The following ALG9 variants were observed in gnomAD, a reference collection of about 807,000 sequenced individuals.
ALG9 encodes alpha-1,2-mannosyltransferase ALG9.
A neutral mutation model predicts 81.8 loss-of-function variants in ALG9; 55 were observed. The ratio of observed to expected loss-of-function variants is 0.67; its 90% CI spans 0.54 to 0.84. ALG9 has a LOEUF of 0.84. Among genes scored for constraint, ALG9 ranks in the 40% least tolerant of loss-of-function variants. The probability of loss-of-function intolerance (pLI) is 0.00; values close to 1 mark genes in which losing one functional copy is unlikely to be tolerated. For missense variants in ALG9, 629 were observed against 745.0 expected, an observed-to-expected ratio of 0.84 and a Z score of 1.81; for synonymous variants, 278 against 274.3, an observed-to-expected ratio of 1.01 and a Z score of -0.13.
At chr11:111,852,615 A>C (rs988578689) in intron 8 of ALG9, among the ~76,000 whole-genome samples, 1 of 152,196 alleles carries the variant, frequency 6.6e-6, no homozygotes, top group Non-Finnish European at 1.5e-5. Context: ...TGGAAGAGAA[A>C]AAGTAACATC....
intron 13 of ALG9, among the ~76,000 whole-genome samples, chr11:111,822,093 G>A (rs1555104377): frequency 2.0e-5 from 3 of 152,130 alleles, no homozygotes; most frequent in African/African-American, 7.2e-5. Flanking sequence ...CAAAATGACA[G>A]CAATAGAAAA....
intron 14 of ALG9, among the ~76,000 whole-genome samples, chr11:111,791,134 C>T (rs1421569574): frequency 6.6e-6 from 1 of 152,074 alleles, no homozygotes; most frequent in African/African-American, 2.4e-5. Context: ...TTTTCAAAAA[C>T]AAAAAGCAAT....
At chr11:111,812,170 A>G (rs531535964) in intron 13 of ALG9, among the ~76,000 whole-genome samples, 2 of 152,366 alleles carry the variant, frequency 1.3e-5, no homozygotes, top group African/African-American at 4.8e-5. Flanking sequence ...TAAATTAAAT[A>G]TAATGTCAAT....
intron 6 of ALG9, among the ~76,000 whole-genome samples, chr11:111,857,221 C>T (rs1258655528): frequency 1.3e-5 from 2 of 152,280 alleles, no homozygotes; most frequent in African/African-American, 4.8e-5. Context: ...GTGGAGAAAA[C>T]ATCAGCTATA....
chr11:111,823,293 A>G (rs1952727575), intron 13 of ALG9, among the ~76,000 whole-genome samples: 1 of 152,174 alleles, frequency 6.6e-6, no homozygotes, highest in Admixed American at 6.5e-5. Flanking sequence ...AGAGAAAGCA[A>G]TTTCCTCACA....
intron 14 of ALG9, among the ~76,000 whole-genome samples, chr11:111,803,538 GAC>G (rs1949465177): frequency 6.7e-6 from 1 of 148,388 alleles, no homozygotes; most frequent in East Asian, 2.0e-4. Context: ...TTGGGGGATT[GAC>G]ACTACCAAAC....
At chr11:111,821,478 A>G (rs1462091223) in intron 13 of ALG9, among the ~76,000 whole-genome samples, 1 of 152,102 alleles carries the variant, frequency 6.6e-6, no homozygotes, top group Admixed American at 6.6e-5. Context: ...TCTTTTCCCA[A>G]TGACTCCGCC....
intron 13 of ALG9, among the ~76,000 whole-genome samples, chr11:111,813,049 C>CG (rs61177245): frequency 1 from 152,232 of 152,256 alleles, 76,104 homozygotes; most frequent in Middle Eastern, 1. Flanking sequence ...CTCAAAGAAG[C>CG]GACTGTCTTT....
intron 4 of ALG9, among the ~76,000 whole-genome samples, chr11:111,861,535 GGTCATA>G (rs1555147979): frequency 6.6e-6 from 1 of 152,126 alleles, no homozygotes; most frequent in African/African-American, 2.4e-5. Context: ...GCAGTGGCAT[GGTCATA>G]GCTCACTGTA....
intron 13 of ALG9, among the ~76,000 whole-genome samples, chr11:111,822,358 G>A (rs1278770395): frequency 7.4e-6 from 1 of 134,324 alleles, no homozygotes; most frequent in African/African-American, 2.8e-5. Flanking sequence ...GCAGTGAGCT[G>A]TGTTCGCACC....
chr11:111,801,723 C>A (rs1555080557), intron 14 of ALG9, among the ~76,000 whole-genome samples: 1 of 152,190 alleles, frequency 6.6e-6, no homozygotes. Context: ...CCAAATGATT[C>A]TTTCCTTCTC....
the ALG9 span, among the ~76,000 whole-genome samples, chr11:111,776,813 G>A: frequency 2.0e-5 from 3 of 152,122 alleles, no homozygotes; most frequent in Non-Finnish European, 4.4e-5. Context: ...CTTTCAAAAT[G>A]CAAATTCTAC....
chr11:111,865,570 T>C (rs1313023546), intron 3 of ALG9, among the ~76,000 whole-genome samples: 1 of 152,254 alleles, frequency 6.6e-6, no homozygotes, highest in Non-Finnish European at 1.5e-5. Context: ...ATCTAGCTCA[T>C]GGACAATTAT....
At chr11:111,822,310 G>C (rs147899511) in intron 13 of ALG9, among the ~76,000 whole-genome samples, 396 of 150,512 alleles carry the variant, frequency 2.6e-3, no homozygotes, top group African/African-American at 9.0e-3. Context: ...TCGAGAGGCT[G>C]AGGCAGGAGG....
chr11:111,827,019 T>C (rs962920931), intron 13 of ALG9, among the ~76,000 whole-genome samples: 1 of 152,230 alleles, frequency 6.6e-6, no homozygotes, highest in Non-Finnish European at 1.5e-5. Flanking sequence ...GATTGTTCTC[T>C]TTTAAAAGCA....
rs1555122947 is a variant in ALG9, at chr11:111,840,736, CTGGA to C, written c.1088_1091del (p.Ile363SerfsTer52). On this transcript the variant is annotated frameshift_variant, in exon 10 of 15. Coordinates refer to ENST00000616540, the MANE Select transcript of ALG9 (RefSeq NM_024740.2). LOFTEE classifies it high-confidence loss of function. The stretch of plus-strand genomic sequence containing the variant: ...AAAGAAATCTCTCCTCTTTGTGAGG[CTGGA>C]TGAAGAAAATTATAAACCAAATATA... 6.2e-7 allele frequency: 1 copy of C among 1,613,918 alleles called. No individual in the cohort carries two copies. Among genetic ancestry groups the C allele is most frequent in the Non-Finnish European group, 8.5e-7 (1 of 1,179,970 alleles).
chr11:111,826,414 C>T (rs1241139690), intron 13 of ALG9, among the ~76,000 whole-genome samples: 2 of 150,860 alleles, frequency 1.3e-5, no homozygotes, highest in Non-Finnish European at 3.0e-5. Context: ...CAAAAAAAAA[C>T]TTAGTACAAG....
chr11:111,800,569 A>T (rs1411104852), intron 14 of ALG9, among the ~76,000 whole-genome samples: 26 of 151,914 alleles, frequency 1.7e-4, no homozygotes, highest in Admixed American at 1.4e-3. Flanking sequence ...CTGATCTCCA[A>T]ACCTGCCTAA....
chr11:111,778,816 C>CT (rs61190059), downstream of ALG9, among the ~76,000 whole-genome samples: 9,536 of 138,518 alleles, frequency 0.069, 509 homozygotes, highest in African/African-American at 0.15. Context: ...CTTTTCTTTT[C>CT]TTTTTTTTTT....
Sources: allele counts gnomAD v4.1 joint callset (sites outside exome capture counted in the v4.1 genomes callset), GRCh38; gene constraint gnomAD v4.1.1; transcripts MANE v1.5; gene names NCBI Gene and HGNC (gene_info 2026-07-23, HGNC 2026-07-21).